Variants in ZAN observed in about 807,000 individuals in gnomAD.
ZAN encodes the protein zonadhesin (gene/pseudogene).
A neutral mutation model predicts 286.2 loss-of-function variants in ZAN; 260 were observed. The ratio of observed to expected loss-of-function variants is 0.91; its 90% CI spans 0.82 to 1.01. The LOEUF (loss-of-function observed/expected upper bound fraction) is 1.01, where lower values mean the gene tolerates loss of function less well. ZAN is among the 50% of genes least tolerant of loss of function. The pLI, the probability that ZAN is intolerant of heterozygous loss-of-function variation, is 0.00. For missense variants in ZAN, 3,410 were observed against 3,639.2 expected, an observed-to-expected ratio of 0.94 and a Z score of 1.62; for synonymous variants, 1,368 against 1,417.5, an observed-to-expected ratio of 0.97 and a Z score of 0.79.
At position 100,762,337 on chromosome 7, in the gene ZAN, CGGACCAGGACGA is replaced by C. The variant is rs771298067; in HGVS notation, c.3975_3986del (p.Asp1325_Gln1328del). On this transcript the variant is annotated inframe_deletion, in exon 20 of 48. Transcript: ENST00000613979. Reference sequence around the variant, plus strand: ...GAGGAGCTGGGGAACAGCTGGCAGACGGACCAGGACGAGGACCAGGAGTGAGCAAGGAGCCCT... The same window carrying C: ...GAGGAGCTGGGGAACAGCTGGCAGACGGACCAGGAGTGAGCAAGGAGCCCT... 2 of 1,612,036 alleles carry C rather than the reference CGGACCAGGACGA, an allele frequency of 1.2e-6. No individual in the cohort carries two copies. Among genetic ancestry groups the C allele is most frequent in the Non-Finnish European group, 1.7e-6 (2 of 1,179,186 alleles).
At chr7:100,779,353 G>A in intron 34 of ZAN, 93 bp from the exon 35 acceptor site, 1 of 1,307,180 alleles carries the variant, frequency 7.7e-7, no homozygotes, top group Non-Finnish European at 1.0e-6. Context: ...ACTCCAGCCT[G>A]GGTGACAGAG....
At chr7:100,750,059 A>AACACACACACACACACAC (rs373704697) in intron 11 of ZAN, among the ~76,000 whole-genome samples, 20 of 122,208 alleles carry the variant, frequency 1.6e-4, no homozygotes, top group Non-Finnish European at 3.2e-4. Context: ...TCAAAAAAAC[A>AACACACACACACACACAC]ACACACACAC....
At chr7:100,742,213 C>T (rs981790617) in intron 7 of ZAN, among the ~76,000 whole-genome samples, 2 of 117,382 alleles carry the variant, frequency 1.7e-5, no homozygotes, top group Non-Finnish European at 3.7e-5. Flanking sequence ...CAGAAGCGCT[C>T]CTCACATCCC....
At position 100,737,478 on chromosome 7, in the gene ZAN, G is replaced by A. The variant is rs1453716465; in HGVS notation, c.613+129G>A. ...TCCCAGCACTTTGGGAGGCCGAGGCGGGCGGATCACGAGGTCAAGAGATAG... is the reference window on the plus strand; with the variant it reads ...TCCCAGCACTTTGGGAGGCCGAGGCAGGCGGATCACGAGGTCAAGAGATAG... On this transcript the variant is annotated intron_variant, in intron 6 of 47. Transcript: ENST00000613979. 9.7e-6 allele frequency: 6 copies of A among 621,256 alleles called. 2 individuals carry two copies. Among genetic ancestry groups the A allele is most frequent in the African/African-American group, 7.8e-5 (4 of 51,226 alleles). 38.5% of individuals were successfully genotyped at this position (621,256 alleles called of 1,614,324 possible). A position where few individuals can be genotyped will look rare whatever the true frequency, so the allele number is the denominator to read the frequency against.
At chr7:100,785,945 C>T (rs769083837) in intron 36 of ZAN, 52 bp from the exon 37 acceptor site, 33 of 1,564,850 alleles carry the variant, frequency 2.1e-5, no homozygotes, top group Middle Eastern at 1.8e-4. Context: ...AGGCGTGAGC[C>T]GCCGCGCCCA....
Position 100,792,441 on chromosome 7 carries a change from A to G in ZAN, c.7749A>G (p.Pro2583=), listed in dbSNP as rs764857689. Residue 2583 remains proline, a synonymous_variant, in exon 42 of 48, where the codon CCA becomes CCG. Coordinates refer to ENST00000613979, the MANE Select transcript of ZAN (RefSeq NM_003386.3). ...TGGATCTGTGCTCTGCTCAGGACCC[A>G]AGAGAGCAAGAGGAGCTGCGTTGCC... ...CVLDLCSAQD[P]REQEELRCQV... is the part of the protein sequence containing the mutation. The G allele has an allele frequency of 1.2e-6, 2 of 1,613,806 alleles. No homozygotes were observed. The highest frequency in any genetic ancestry group is 2.2e-5 in the South Asian group (2 of 91,062).
At chr7:100,738,992 C>T (rs1807550018) in intron 7 of ZAN, among the ~76,000 whole-genome samples, 1 of 42,856 alleles carries the variant, frequency 2.3e-5, no homozygotes, top group African/African-American at 6.6e-5. Context: ...TCTCCCTCTC[C>T]TTCTCCTTCT....
In ZAN at chr7:100,788,134, G is replaced by A; in HGVS notation, c.7225G>A (p.Val2409Met). 2 of 1,490,498 alleles carry A rather than the reference G, an allele frequency of 1.3e-6. No homozygotes were observed. The highest frequency in any genetic ancestry group is 1.8e-6 in the Non-Finnish European group (2 of 1,105,636). The allele number at this position is 1,490,498 out of a possible 1,614,324, so 92.3% of individuals were successfully genotyped here. ...GCAGCTCCAAGCTGGTCTGGAGCTTGTGGTAAGAGCTGGGCCAGGGCCTGG... is the reference window on the plus strand; with the variant it reads ...GCAGCTCCAAGCTGGTCTGGAGCTTATGGTAAGAGCTGGGCCAGGGCCTGG... ...KVQLQAGLELVVNNQKMAVPY... is the reference protein window; with the variant it reads ...KVQLQAGLELMVNNQKMAVPY... The change falls in exon 38 of 48, where the codon GTG becomes ATG. Residue 2409 changes from valine to methionine, a missense_variant and splice_region_variant. This residue lies in a region of ZAN where 1,289 missense variants were observed against 1,314.3 expected (regional missense o/e 0.98). Transcript: ENST00000613979.
intron 38 of ZAN, among the ~76,000 whole-genome samples, chr7:100,788,450 G>A (rs1811723327): frequency 6.6e-6 from 1 of 152,080 alleles, no homozygotes; most frequent in Non-Finnish European, 1.5e-5. Context: ...TATTGGGCAG[G>A]CTTAGGCTGG....
intron 1 of ZAN, 105 bp from the exon 2 acceptor site, chr7:100,733,918 GTTTC>G (rs1807117446): frequency 2.9e-6 from 1 of 341,762 alleles, no homozygotes; most frequent in Non-Finnish European, 5.6e-6. Context: ...TTTCCTTTTT[GTTTC>G]TTTCTCTTTT....
At chr7:100,759,867 C>G in intron 18 of ZAN, 22 bp downstream of exon 18, 1 of 1,608,856 alleles carries the variant, frequency 6.2e-7, no homozygotes, top group Non-Finnish European at 8.5e-7. Context: ...TCCACCCCCA[C>G]CATCCTTGCA....
rs1163412405 is a variant in ZAN at position 100,771,878 on chromosome 7, C to T, written c.5283C>T (p.Pro1761=). The change falls in exon 29 of 48, where the codon CCC becomes CCT. Residue 1761 remains proline, a synonymous_variant. Coordinates refer to ENST00000613979, the MANE Select transcript of ZAN (RefSeq NM_003386.3). The part of the protein sequence containing the change: ...PFSQCHQVVP[P]QSSFASCVHG... Reference sequence around the variant, plus strand: ...CTCAATGTCACCAGGTGGTGCCTCCCCAGTCCAGCTTTGCCAGTTGCGTGC... The same window carrying T: ...CTCAATGTCACCAGGTGGTGCCTCCTCAGTCCAGCTTTGCCAGTTGCGTGC... 1.2e-6 allele frequency: 2 copies of T among 1,613,208 alleles called. No homozygotes were observed. The highest frequency in any genetic ancestry group is 1.7e-4 in the Middle Eastern group (1 of 6,058).
intron 7 of ZAN, among the ~76,000 whole-genome samples, chr7:100,741,515 G>GA: frequency 5.7e-5 from 3 of 52,562 alleles, no homozygotes; most frequent in Admixed American, 1.7e-4. Context: ...CAGGGGGGCT[G>GA]ACCCCCCCCA....
At position 100,790,344 on chromosome 7, in the gene ZAN, C is replaced by T. The variant is rs192812846; in HGVS notation, c.7358-598C>T. ...TTGGGAGGCCGAGGCAGGCAGATCA[C>T]GAGGTCAGGAGATCGAGACCATCCT... is the stretch of plus-strand genomic sequence containing the variant. On this transcript the variant is annotated intron_variant, in intron 39 of 47. Coordinates refer to ENST00000613979, the MANE Select transcript of ZAN (RefSeq NM_003386.3). 7.2e-4 allele frequency among the ~76,000 whole-genome samples: 108 copies of T among 150,838 alleles called. No homozygotes were observed. In the East Asian group the frequency reaches 0.02, roughly 28 times the overall value.
intron 35 of ZAN, among the ~76,000 whole-genome samples, chr7:100,783,394 C>T (rs1381671274): frequency 6.6e-6 from 1 of 151,718 alleles, no homozygotes; most frequent in Non-Finnish European, 1.5e-5. Flanking sequence ...GTCTTCAGCT[C>T]AACTTTGAAA....
intron 36 of ZAN, among the ~76,000 whole-genome samples, chr7:100,785,223 CTTTTTT>C (rs5886135): frequency 4.2e-4 from 37 of 87,554 alleles, no homozygotes; most frequent in African/African-American, 1.4e-3. Flanking sequence ...AACACAGTGC[CTTTTTT>C]TTTTTTTTTT....
chr7:100,762,180 C>T, intron 19 of ZAN, 35 bp from the exon 20 acceptor site: 1 of 1,610,516 alleles, frequency 6.2e-7, no homozygotes, highest in South Asian at 1.1e-5. Context: ...GGCTGCTTCT[C>T]TCCATTAACG....
Position 100,757,015 on chromosome 7 carries a change from G to A in ZAN, c.3310-1187G>A, listed in dbSNP as rs575331007. On this transcript the variant is annotated intron_variant, in intron 15 of 47. Transcript: ENST00000613979. Reference sequence around the variant, plus strand: ...ACTCCCGACCTCAGGCGATCCGCCCGCCTCAGCCTTCCAAAGTGTTGGGAT... The same window carrying A: ...ACTCCCGACCTCAGGCGATCCGCCCACCTCAGCCTTCCAAAGTGTTGGGAT... Among the ~76,000 whole-genome samples the A allele has an allele frequency of 3.9e-5, 6 of 152,282 alleles. No homozygotes were observed. The South Asian group carries it at 6.2e-4, about 16-fold the overall frequency.
intron 4 of ZAN, 26 bp from the exon 5 acceptor site, chr7:100,736,781 TCA>T (rs1807323852): frequency 2.1e-6 from 3 of 1,460,706 alleles, no homozygotes; most frequent in Non-Finnish European, 2.8e-6. Context: ...TGGCTGGGCC[TCA>T]GTGTCTTGGG....
Sources: allele counts gnomAD v4.1 joint callset (sites outside exome capture counted in the v4.1 genomes callset), GRCh38; gene constraint gnomAD v4.1.1; regional missense constraint gnomAD v4.1.1; transcripts MANE v1.5; gene names NCBI Gene and HGNC (gene_info 2026-07-23, HGNC 2026-07-21).